Variants in EIF3H observed in about 807,000 individuals in gnomAD.
The protein encoded by EIF3H is eukaryotic translation initiation factor 3 subunit H, also known as eIF-3-gamma.
In EIF3H, 26 loss-of-function variants were observed where a neutral mutation model predicts 44.2. The observed-to-expected ratio is 0.59, with a 90% CI of 0.43 to 0.82. The LOEUF is 0.82. Among genes scored for constraint, EIF3H ranks in the 40% least tolerant of loss-of-function variants. EIF3H has a pLI of 0.00. For synonymous variants in EIF3H, 166 were observed against 151.9 expected, an observed-to-expected ratio of 1.09 and a Z score of -0.68; for missense variants, 359 against 432.8, an observed-to-expected ratio of 0.83 and a Z score of 1.51.
At chr8:116,742,436 A>G (rs1815149433) in intron 1 of EIF3H, among the ~76,000 whole-genome samples, 1 of 152,224 alleles carries the variant, frequency 6.6e-6, no homozygotes, top group Non-Finnish European at 1.5e-5. Context: ...TTTCTGCTTT[A>G]CCAATTCAAT....
chr8:116,663,970 T>C (rs1813626864), intron 2 of EIF3H, among the ~76,000 whole-genome samples: 1 of 151,480 alleles, frequency 6.6e-6, no homozygotes, highest in Non-Finnish European at 1.5e-5. Context: ...TCGTTACTAT[T>C]AGGCCAACTC....
At chr8:116,717,069 A>G (rs112175923) in intron 2 of EIF3H, among the ~76,000 whole-genome samples, 128 of 152,262 alleles carry the variant, frequency 8.4e-4, no homozygotes, top group African/African-American at 2.8e-3. Flanking sequence ...TTAAAAATCA[A>G]CATACAGGAC....
chr8:116,711,050 T>G (rs571352856), intron 2 of EIF3H, among the ~76,000 whole-genome samples: 1 of 152,222 alleles, frequency 6.6e-6, no homozygotes, highest in Non-Finnish European at 1.5e-5. Context: ...TTTTCTTAAC[T>G]AAGAACTATA....
At chr8:116,698,489 A>G (rs796099450) in intron 2 of EIF3H, among the ~76,000 whole-genome samples, 3 of 152,338 alleles carry the variant, frequency 2.0e-5, no homozygotes, top group African/African-American at 7.2e-5. Context: ...ACAGATCTAA[A>G]TAATGTCATG....
intron 5 of EIF3H, among the ~76,000 whole-genome samples, chr8:116,653,459 T>G (rs1157441257): frequency 1.3e-5 from 2 of 151,996 alleles, no homozygotes; most frequent in Non-Finnish European, 2.9e-5. Context: ...TGTGGGAATC[T>G]TTTCAGTACC....
upstream of EIF3H, among the ~76,000 whole-genome samples, chr8:116,760,779 G>T (rs1815510829): frequency 6.6e-6 from 1 of 152,148 alleles, no homozygotes; most frequent in South Asian, 2.1e-4. Flanking sequence ...TTCAGTTTCT[G>T]CCCTGAGTCC....
At chr8:116,749,414 C>T (rs1174094321) in intron 1 of EIF3H, among the ~76,000 whole-genome samples, 1 of 152,182 alleles carries the variant, frequency 6.6e-6, no homozygotes, top group East Asian at 1.9e-4. Flanking sequence ...ATACGTATGT[C>T]TGCATTTCTA....
intron 2 of EIF3H, among the ~76,000 whole-genome samples, chr8:116,688,877 G>T (rs894615898): frequency 6.6e-6 from 1 of 152,162 alleles, no homozygotes; most frequent in Non-Finnish European, 1.5e-5. Flanking sequence ...TGGTGCAACT[G>T]CTTTGGAAAA....
chr8:116,736,021 T>C (rs922922773), intron 1 of EIF3H, among the ~76,000 whole-genome samples: 19 of 152,318 alleles, frequency 1.2e-4, no homozygotes, highest in African/African-American at 4.3e-4. Context: ...ATGTTCAACC[T>C]GTATATCTAT....
intron 2 of EIF3H, among the ~76,000 whole-genome samples, chr8:116,714,125 T>C (rs1053966759): frequency 3.9e-5 from 6 of 152,094 alleles, no homozygotes; most frequent in Non-Finnish European, 2.9e-5. Flanking sequence ...ACAATAAAGA[T>C]GTCAAATAAA....
chr8:116,695,124 G>A (rs1384112854), intron 2 of EIF3H, among the ~76,000 whole-genome samples: 1 of 147,464 alleles, frequency 6.8e-6, no homozygotes, highest in African/African-American at 2.5e-5. Flanking sequence ...GCTGGAGTGT[G>A]GTGGAGCAAT....
intron 3 of EIF3H, chr8:116,658,484 C>T: frequency 4.7e-6 from 1 of 214,590 alleles, no homozygotes. Flanking sequence ...CAGTCACGTA[C>T]AGAGCCAGAC....
At chr8:116,656,930 T>C (rs1429545589) in intron 4 of EIF3H, among the ~76,000 whole-genome samples, 3 of 152,220 alleles carry the variant, frequency 2.0e-5, no homozygotes, top group Non-Finnish European at 2.9e-5. Context: ...TGATCACTCT[T>C]TCCACCTCCC....
rs201559233 is a variant in EIF3H, at chr8:116,642,423, T to TA, written c.*2582dup. The stretch of plus-strand genomic sequence containing the variant: ...CAATTTCCAAGCTTCCAAAAATAGG[T>TA]AAAAAAATTATTTTAGTTTAAGTTG... On this transcript the variant is annotated 3_prime_UTR_variant, in exon 8 of 8. Coordinates refer to ENST00000521861, the MANE Select transcript of EIF3H (RefSeq NM_003756.3). The TA allele has an allele frequency of 6.6e-6, 1 of 152,120 alleles. No individual in the cohort carries two copies. Among genetic ancestry groups the TA allele is most frequent in the African/African-American group, 2.4e-5 (1 of 41,418 alleles). 9.4% of individuals were successfully genotyped at this position (152,120 alleles called of 1,614,324 possible).
At chr8:116,704,941 T>A (rs1484182074) in intron 2 of EIF3H, among the ~76,000 whole-genome samples, 1 of 152,186 alleles carries the variant, frequency 6.6e-6, no homozygotes, top group Non-Finnish European at 1.5e-5. Flanking sequence ...TTATACCAAA[T>A]GTAAAGGTCT....
At chr8:116,752,728 GAAAGAAGAGAA>G (rs1815370378) in intron 1 of EIF3H, among the ~76,000 whole-genome samples, 1 of 115,464 alleles carries the variant, frequency 8.7e-6, no homozygotes, top group South Asian at 3.4e-4. Context: ...AAGAAAGAAA[GAAAGAAGAGAA>G]AGAAAGAAAG....
At chr8:116,718,774 A>G (rs916550085) in intron 2 of EIF3H, among the ~76,000 whole-genome samples, 26 of 152,024 alleles carry the variant, frequency 1.7e-4, no homozygotes, top group Non-Finnish European at 3.5e-4. Context: ...CACTGCATAC[A>G]GTGTACACTG....
intron 2 of EIF3H, among the ~76,000 whole-genome samples, chr8:116,707,570 T>TATC (rs1236483398): frequency 4.9e-5 from 5 of 102,972 alleles, no homozygotes; most frequent in Admixed American, 1.9e-4. Flanking sequence ...AGATACTTAT[T>TATC]TGATAATATT....
chr8:116,736,209 A>C (rs1376439729), intron 1 of EIF3H, among the ~76,000 whole-genome samples: 2 of 152,246 alleles, frequency 1.3e-5, no homozygotes, highest in African/African-American at 4.8e-5. Context: ...CTGATAGATA[A>C]GTGGTTGCCT....
Sources: allele counts gnomAD v4.1 joint callset (sites outside exome capture counted in the v4.1 genomes callset), GRCh38; gene constraint gnomAD v4.1.1; transcripts MANE v1.5; gene names NCBI Gene and HGNC (gene_info 2026-07-23, HGNC 2026-07-21).